TRIM66: variants seen among roughly 807,000 people sequenced by gnomAD.
The protein encoded by TRIM66 is tripartite motif-containing protein 66.
Under a neutral mutation model 148.2 loss-of-function variants are expected in TRIM66, and 99 were observed. The observed-to-expected ratio is 0.67, with a 90% CI of 0.57 to 0.79. The LOEUF is 0.79. Among genes scored for constraint, TRIM66 ranks in the 30% least tolerant of loss-of-function variants. TRIM66 has a pLI of 0.00. For synonymous variants in TRIM66, 616 were observed against 635.9 expected, an observed-to-expected ratio of 0.97 and a Z score of 0.47; for missense variants, 1,666 against 1,697.9, an observed-to-expected ratio of 0.98 and a Z score of 0.33.
Position 8,651,793 on chromosome 11 carries a change from G to A in TRIM66, c.444+7C>T. The stretch of plus-strand genomic sequence containing the variant: ...GATCAGCTGCTTCTTTCCTTGTCCT[G>A]ACTTACCCTGGCCATCTTGGGTTGC... On this transcript the variant is annotated splice_region_variant and intron_variant, in intron 7 of 24. Coordinates refer to ENST00000646038, the MANE Select transcript of TRIM66 (RefSeq NM_001388022.1). 1 of 1,550,882 alleles carries A rather than the reference G, an allele frequency of 6.4e-7. No individual in the cohort carries two copies. Among genetic ancestry groups the A allele is most frequent in the Admixed American group, 2.0e-5 (1 of 51,008 alleles).
rs929188111 is a variant in TRIM66, at chr11:8,640,529, G to T, written c.1846C>A (p.Leu616Ile). 6.5e-7 allele frequency: 1 copy of T among 1,535,134 alleles called. No homozygotes were observed. The highest frequency in any genetic ancestry group is 1.2e-5 in the South Asian group (1 of 83,348). Residue 616 changes from leucine to isoleucine, a missense_variant, in exon 14 of 25, where the codon CTT becomes ATT. Physicochemically the swap from Leu to Ile is conservative, Grantham distance 5. Coordinates refer to ENST00000646038, the MANE Select transcript of TRIM66 (RefSeq NM_001388022.1). ...TGTGGCTGCTGTGGGGGAGGGGGAA[G>T]GGGAGGTGGGGGATGGGGGAGGGGT... ...PPPLPHPPPP[L>I]PPPPQQPHPP...
intron 14 of TRIM66, 40 bp downstream of exon 14, chr11:8,640,187 G>C (rs879006419): frequency 6.5e-7 from 1 of 1,529,450 alleles, no homozygotes; most frequent in East Asian, 2.5e-5. Flanking sequence ...GTGATCCTAC[G>C]ATGGGCAGAA....
At chr11:8,681,560 T>C (rs1183697537) in intron 1 of TRIM66, among the ~76,000 whole-genome samples, 1 of 152,142 alleles carries the variant, frequency 6.6e-6, no homozygotes, top group Non-Finnish European at 1.5e-5. Context: ...AAAATTTATT[T>C]CATTTTTCCC....
rs1230853562 is a variant in TRIM66 at position 8,617,080 on chromosome 11, AG to A, written c.*863del. 1 of 152,246 alleles carries A rather than the reference AG, an allele frequency of 6.6e-6. No individual in the cohort carries two copies. Among genetic ancestry groups the A allele is most frequent in the African/African-American group, 2.4e-5 (1 of 41,454 alleles). The allele number at this position is 152,246 out of a possible 1,614,324, so 9.4% of individuals were successfully genotyped here. A position where few individuals can be genotyped will look rare whatever the true frequency, so the allele number is the denominator to read the frequency against. ...CCATACCTCTGAATGAGGATGATGA[AG>A]GGTATGGCCACTGACAAGCACCAAC... On this transcript the variant is annotated 3_prime_UTR_variant, in exon 25 of 25. Coordinates refer to ENST00000646038, the MANE Select transcript of TRIM66 (RefSeq NM_001388022.1).
At position 8,682,632 on chromosome 11, in the gene TRIM66, T is replaced by C; in HGVS notation, c.-579A>G. The stretch of plus-strand genomic sequence containing the variant: ...CGTACACCGCCACCAGGACACTCCG[T>C]GATGGGGGATCACCACCCTCAGAAA... On this transcript the variant is annotated 5_prime_UTR_variant, in exon 1 of 25. Transcript: ENST00000646038. 1.4e-6 allele frequency: 1 copy of C among 695,002 alleles called. No individual in the cohort carries two copies. The highest frequency in any genetic ancestry group is 1.6e-5 in the South Asian group (1 of 62,630). 43.1% of individuals were successfully genotyped at this position (695,002 alleles called of 1,614,324 possible). A position where few individuals can be genotyped will look rare whatever the true frequency, so the allele number is the denominator to read the frequency against.
At chr11:8,626,680 A>G (rs368977789) in intron 15 of TRIM66, among the ~76,000 whole-genome samples, 225 of 152,332 alleles carry the variant, frequency 1.5e-3, no homozygotes, top group Non-Finnish European at 1.4e-3. Context: ...AAGTATTTTC[A>G]AAACACGGAT....
chr11:8,657,960 T>A (rs761087325), intron 6 of TRIM66, among the ~76,000 whole-genome samples: 2 of 152,200 alleles, frequency 1.3e-5, no homozygotes, highest in African/African-American at 4.8e-5. Context: ...AAGCGACAGG[T>A]GAGACCACCA....
chr11:8,639,091 C>T (rs2036148229), intron 14 of TRIM66, among the ~76,000 whole-genome samples: 1 of 152,212 alleles, frequency 6.6e-6, no homozygotes, highest in African/African-American at 2.4e-5. Flanking sequence ...TTTTGACTTA[C>T]ATTTTAGCTT....
At chr11:8,635,858 C>T (rs1231496651) in intron 15 of TRIM66, among the ~76,000 whole-genome samples, 1 of 152,184 alleles carries the variant, frequency 6.6e-6, no homozygotes. Flanking sequence ...GTATGTCGCT[C>T]AGCTCCTTTC....
At chr11:8,672,126 T>C in intron 5 of TRIM66, 28 bp from the exon 6 acceptor site, 1 of 1,528,506 alleles carries the variant, frequency 6.5e-7, no homozygotes, top group Non-Finnish European at 8.7e-7. Context: ...AGCAGAGTGA[T>C]CTACTTATTT....
chr11:8,625,639 C>A (rs1292889191), intron 15 of TRIM66, among the ~76,000 whole-genome samples: 1 of 152,180 alleles, frequency 6.6e-6, no homozygotes. Flanking sequence ...GTGGGACTGC[C>A]CTCTAACTTC....
At chr11:8,663,921 C>A (rs1330851211) in intron 6 of TRIM66, among the ~76,000 whole-genome samples, 1 of 152,102 alleles carries the variant, frequency 6.6e-6, no homozygotes, top group Admixed American at 6.5e-5. Context: ...TCTAAAAAAA[C>A]TGATCTCATA....
chr11:8,677,194 A>T (rs2133553307), intron 3 of TRIM66, among the ~76,000 whole-genome samples: 1 of 152,290 alleles, frequency 6.6e-6, no homozygotes, highest in East Asian at 1.9e-4. Context: ...AGAAAATGTG[A>T]GCGAGAAATA....
At chr11:8,682,839 C>T (rs201590396), upstream of TRIM66, 1 of 1,609,788 alleles carries the variant, frequency 6.2e-7, no homozygotes, top group Admixed American at 1.7e-5. Flanking sequence ...TTTCTTGCCT[C>T]CTCTTCCTTG....
At chr11:8,662,604 G>A (rs1290101000) in intron 6 of TRIM66, among the ~76,000 whole-genome samples, 2 of 152,268 alleles carry the variant, frequency 1.3e-5, no homozygotes, top group East Asian at 3.9e-4. Flanking sequence ...CTAGTGTCCA[G>A]GTGAGCTCTA....
chr11:8,645,949 G>A (rs1348657554), intron 11 of TRIM66, 62 bp from the exon 12 acceptor site: 1 of 1,509,210 alleles, frequency 6.6e-7, no homozygotes, highest in East Asian at 2.5e-5. Context: ...CACCTGCTTG[G>A]GAAGTCTGGT....
At position 8,671,871 on chromosome 11, in the gene TRIM66, G is replaced by GC. The variant is rs777301087; in HGVS notation, c.254dup (p.Cys85TrpfsTer7). ...AGCAGTCCTTACGGAGCAAATGCTG[G>GC]CAGGATAGGAGATGAGAGCCCATAC... is the stretch of plus-strand genomic sequence containing the variant. On this transcript the variant is annotated frameshift_variant, in exon 6 of 25. Transcript: ENST00000646038. LOFTEE classifies it high-confidence loss of function. 4.4e-5 allele frequency: 68 copies of GC among 1,535,888 alleles called. No individual in the cohort carries two copies. The East Asian group carries it at 1.6e-3, about 37-fold the overall frequency.
At chr11:8,669,641 T>A (rs1468875831) in intron 6 of TRIM66, among the ~76,000 whole-genome samples, 49 of 104,288 alleles carry the variant, frequency 4.7e-4, no homozygotes, top group African/African-American at 2.0e-3. Flanking sequence ...AGACCCTGTC[T>A]CAAAAAAAAA....
chr11:8,623,125 A>T (rs979005562), intron 17 of TRIM66, among the ~76,000 whole-genome samples: 2 of 152,230 alleles, frequency 1.3e-5, no homozygotes, highest in African/African-American at 2.4e-5. Context: ...CCTATGGGTA[A>T]GTGTTGGGTC....
Sources: gnomAD v4.1 joint callset for allele counts (sites outside exome capture counted in the v4.1 genomes callset) on GRCh38, gnomAD v4.1.1 for gene constraint, MANE v1.5 for transcripts, NCBI Gene and HGNC (gene_info 2026-07-23, HGNC 2026-07-21) for gene names.